Variants in FAM193A observed in about 807,000 individuals in gnomAD.
The protein encoded by FAM193A is protein FAM193A.
FAM193A carries 22 observed loss-of-function variants against 126.5 expected under a neutral mutation model. That is an observed-to-expected ratio of 0.17 (90% CI 0.12 to 0.25). FAM193A has a LOEUF of 0.25. Among genes scored for constraint, FAM193A ranks in the 10% least tolerant of loss-of-function variants. FAM193A has a pLI of 1.00. For missense variants in FAM193A, 1,675 were observed against 1,672.8 expected (o/e 1.00, Z -0.02); for synonymous variants, 761 against 646.8 (o/e 1.18, Z -2.68).
At chr4:2,639,314 A>G (rs1342957354) in intron 5 of FAM193A, among the ~76,000 whole-genome samples, 1 of 152,324 alleles carries the variant, frequency 6.6e-6, no homozygotes, top group Non-Finnish European at 1.5e-5. Context: ...GGTTTCTCCA[A>G]ATAGGTAAGA....
chr4:2,557,137 A>AT (rs1223029063), intron 1 of FAM193A, among the ~76,000 whole-genome samples: 1 of 152,178 alleles, frequency 6.6e-6, no homozygotes, highest in Non-Finnish European at 1.5e-5. Context: ...ACAGTGAGAG[A>AT]TTAACAACAA....
intron 5 of FAM193A, among the ~76,000 whole-genome samples, chr4:2,633,391 T>A (rs775318207): frequency 6.6e-6 from 1 of 151,482 alleles, no homozygotes; most frequent in Non-Finnish European, 1.5e-5. Flanking sequence ...AGAGCGAGAC[T>A]CTGTCTCACA....
intron 1 of FAM193A, among the ~76,000 whole-genome samples, chr4:2,592,168 C>T (rs1328860190): frequency 6.6e-6 from 1 of 151,990 alleles, no homozygotes; most frequent in African/African-American, 2.4e-5. Flanking sequence ...ATCCGCTTGC[C>T]GCAACCTCCG....
chr4:2,559,820 TTGCTGTTCCAC>T (rs1453117611), intron 1 of FAM193A, among the ~76,000 whole-genome samples: 3 of 152,240 alleles, frequency 2.0e-5, no homozygotes, highest in Admixed American at 2.0e-4. Context: ...TCCTTTTGCC[TTGCTGTTCCAC>T]TGCTGTTGCG....
chr4:2,658,560 A>G (rs1036970252), intron 8 of FAM193A, among the ~76,000 whole-genome samples: 1 of 151,886 alleles, frequency 6.6e-6, no homozygotes, highest in East Asian at 1.9e-4. Flanking sequence ...ACTTCTCTCC[A>G]TCTCCTTTAC....
At chr4:2,563,105 C>T (rs902658812) in intron 1 of FAM193A, among the ~76,000 whole-genome samples, 4 of 151,724 alleles carry the variant, frequency 2.6e-5, no homozygotes, top group Non-Finnish European at 5.9e-5. Context: ...CCACCATGCC[C>T]AGCTAATTTT....
intron 7 of FAM193A, among the ~76,000 whole-genome samples, chr4:2,649,085 T>C (rs1577134250): frequency 6.6e-6 from 1 of 152,162 alleles, no homozygotes; most frequent in Non-Finnish European, 1.5e-5. Context: ...TTTTAAAAAG[T>C]AAAACTGGCC....
At chr4:2,579,651 A>G (rs1739808271) in intron 1 of FAM193A, among the ~76,000 whole-genome samples, 1 of 152,156 alleles carries the variant, frequency 6.6e-6, no homozygotes, top group African/African-American at 2.4e-5. Context: ...GAGACCAGTG[A>G]TCATGCCACT....
At chr4:2,613,830 A>T (rs1027524972) in intron 2 of FAM193A, among the ~76,000 whole-genome samples, 1 of 147,720 alleles carries the variant, frequency 6.8e-6, no homozygotes, top group African/African-American at 2.5e-5. Context: ...GTAGTGGCAC[A>T]ATCTTGGCTC....
intron 6 of FAM193A, among the ~76,000 whole-genome samples, chr4:2,640,480 T>C (rs1359420329): frequency 6.6e-6 from 1 of 152,184 alleles, no homozygotes; most frequent in Non-Finnish European, 1.5e-5. Context: ...CCATGTTCAG[T>C]TAGAAGGCAT....
At chr4:2,634,301 T>C (rs35691548) in intron 5 of FAM193A, among the ~76,000 whole-genome samples, 13,318 of 152,176 alleles carry the variant, frequency 0.088, 1,097 homozygotes, top group African/African-American at 0.21. Flanking sequence ...GAAGTTACTT[T>C]ACAGTGGTCC....
chr4:2,730,330 C>T (rs1721228475), intron 20 of FAM193A, among the ~76,000 whole-genome samples: 1 of 152,144 alleles, frequency 6.6e-6, no homozygotes, highest in Non-Finnish European at 1.5e-5. Context: ...TGAAAGTTGA[C>T]TTAATTAGAA....
intron 1 of FAM193A, among the ~76,000 whole-genome samples, chr4:2,589,331 A>G (rs1374587164): frequency 2.0e-5 from 3 of 152,244 alleles, no homozygotes; most frequent in Non-Finnish European, 2.9e-5. Context: ...TTCAGGAGCA[A>G]TCATTAAAAA....
chr4:2,579,632 G>T (rs1739807031), intron 1 of FAM193A, among the ~76,000 whole-genome samples: 1 of 152,140 alleles, frequency 6.6e-6, no homozygotes, highest in Non-Finnish European at 1.5e-5. Flanking sequence ...TTGGGGAGTT[G>T]CAGCGGCAGA....
intron 1 of FAM193A, among the ~76,000 whole-genome samples, chr4:2,553,110 C>T (rs574182461): frequency 9.9e-5 from 15 of 152,098 alleles, no homozygotes; most frequent in East Asian, 9.7e-4. Context: ...GGTCTCCCAG[C>T]GTGCTGGGAT....
chr4:2,608,133 A>G (rs1038231956), intron 2 of FAM193A: 16 of 1,595,908 alleles, frequency 1.0e-5, no homozygotes, highest in Non-Finnish European at 1.4e-5. Context: ...TTGTAGATTG[A>G]TCTTAACCTG....
At chr4:2,549,962 C>T in intron 1 of FAM193A, among the ~76,000 whole-genome samples, 1 of 150,368 alleles carries the variant, frequency 6.7e-6, no homozygotes, top group South Asian at 2.1e-4. Context: ...CTCCTGACCT[C>T]GTGATCTGCC....
At chr4:2,720,336 T>C (rs1008040671) in intron 20 of FAM193A, among the ~76,000 whole-genome samples, 2 of 152,192 alleles carry the variant, frequency 1.3e-5, no homozygotes, top group African/African-American at 4.8e-5. Context: ...GTAGGATCAG[T>C]ACAGAAGTTA....
At chr4:2,587,659 A>G (rs776102187) in intron 1 of FAM193A, among the ~76,000 whole-genome samples, 2 of 152,220 alleles carry the variant, frequency 1.3e-5, no homozygotes, top group Non-Finnish European at 2.9e-5. Flanking sequence ...GTGCTACTGC[A>G]GTCCAGCCTA....
Sources: allele counts gnomAD v4.1 joint callset (sites outside exome capture counted in the v4.1 genomes callset), GRCh38; gene constraint gnomAD v4.1.1; transcripts MANE v1.5; gene names NCBI Gene and HGNC (gene_info 2026-07-23, HGNC 2026-07-21).